The following CEP128 variants were observed in gnomAD, a reference collection of about 807,000 sequenced individuals.
CEP128 encodes the protein centrosomal protein 128kDa.
CEP128 carries 132 observed loss-of-function variants against 156.7 expected under a neutral mutation model. The ratio of observed to expected loss-of-function variants is 0.84; its 90% confidence interval spans 0.73 to 0.97. The LOEUF (loss-of-function observed/expected upper bound fraction) is 0.97. Ranked by LOEUF, CEP128 falls within the 50% of genes least tolerant of loss-of-function variation. CEP128 has a pLI of 0.00. For missense variants in CEP128, 1,252 were observed against 1,281.9 expected (o/e 0.98, Z 0.36); for synonymous variants, 469 against 448.9 (o/e 1.04, Z -0.57).
chr14:80,746,921 G>C (rs1899131464), intron 18 of CEP128, among the ~76,000 whole-genome samples: 1 of 152,072 alleles, frequency 6.6e-6, no homozygotes, highest in Non-Finnish European at 1.5e-5. Flanking sequence ...ACGTACAAAG[G>C]ATGTAAATAG....
At chr14:80,824,907 T>C (rs1477972506) in intron 13 of CEP128, among the ~76,000 whole-genome samples, 1 of 152,204 alleles carries the variant, frequency 6.6e-6, no homozygotes, top group Non-Finnish European at 1.5e-5. Context: ...TTCATGTTGC[T>C]GATAAAGACA....
chr14:80,797,958 G>T (rs1883590356), intron 13 of CEP128, among the ~76,000 whole-genome samples: 2 of 151,988 alleles, frequency 1.3e-5, no homozygotes, highest in South Asian at 4.2e-4. Flanking sequence ...CTACACTGAG[G>T]AACTTTTTAC....
intron 11 of CEP128, 50 bp downstream of exon 11, chr14:80,838,154 C>G: frequency 7.8e-7 from 1 of 1,275,058 alleles, no homozygotes; most frequent in Non-Finnish European, 1.1e-6. Context: ...TAGAGCTACT[C>G]AATCCTGATT....
chr14:80,830,425 C>G (rs987960910), intron 13 of CEP128: 6 of 397,992 alleles, frequency 1.5e-5, no homozygotes, highest in Admixed American at 8.6e-5. Flanking sequence ...ACTTCACTTA[C>G]AAAAACAGAT....
intron 19 of CEP128, among the ~76,000 whole-genome samples, chr14:80,729,057 GGGTGTGTGTGTGTGT>G (rs1566880936): frequency 9.8e-5 from 10 of 102,168 alleles, no homozygotes; most frequent in South Asian, 6.7e-4. Context: ...GGGCTGGTGG[GGGTGTGTGTGTGTGT>G]GTGTGTGTGT....
At chr14:80,735,823 G>A (rs1316652556) in intron 19 of CEP128, among the ~76,000 whole-genome samples, 1 of 151,990 alleles carries the variant, frequency 6.6e-6, no homozygotes, top group African/African-American at 2.4e-5. Flanking sequence ...TTGGTTCATG[G>A]TCCCCCTCTT....
rs78739960 is a variant in CEP128 at position 80,526,610 on chromosome 14, C to G, written c.3072+259G>C. The G allele has an allele frequency of 7.9e-3, 2,149 of 271,006 alleles. 46 individuals are homozygous for G. Among genetic ancestry groups the G allele is most frequent in the African/African-American group, 0.044 (2,004 of 45,458 alleles). 16.8% of individuals were successfully genotyped at this position (271,006 alleles called of 1,614,324 possible). On this transcript the variant is annotated intron_variant, in intron 23 of 24. Transcript: ENST00000555265. ...CAGGGGTTTCTTGGCTCTTAAGCAG[C>G]ACCAGTTCCCGTAAACAAGTAACAT...
rs141795204 is a variant in CEP128, at chr14:80,577,145, T to G, written c.2856+3229A>C. Reference sequence around the variant, plus strand: ...TGTCTTAGATTCCTTTGCAAGATTTTCATCCTTAGCCTGTTGTTTAAATGT... The same window carrying G: ...TGTCTTAGATTCCTTTGCAAGATTTGCATCCTTAGCCTGTTGTTTAAATGT... On this transcript the variant is annotated intron_variant, in intron 20 of 24. Coordinates refer to ENST00000555265, the MANE Select transcript of CEP128 (RefSeq NM_152446.5). Among the ~76,000 whole-genome samples, 576 of 152,324 alleles carry G rather than the reference T, an allele frequency of 3.8e-3. 4 individuals are homozygous for G. The highest frequency in any genetic ancestry group is 0.013 in the African/African-American group (531 of 41,570).
At chr14:80,835,438 C>T (rs942444972) in intron 12 of CEP128, among the ~76,000 whole-genome samples, 1 of 152,074 alleles carries the variant, frequency 6.6e-6, no homozygotes, top group African/African-American at 2.4e-5. Context: ...AAGCCTGGGG[C>T]AATATTTACC....
chr14:80,527,260 C>T (rs1304760252), intron 22 of CEP128: 2 of 487,774 alleles, frequency 4.1e-6, no homozygotes, highest in Non-Finnish European at 8.0e-6. Context: ...GAAACCTCAC[C>T]TCTACAAAAA....
chr14:80,932,419 G>A (rs1445045423), intron 2 of CEP128, among the ~76,000 whole-genome samples: 1 of 152,216 alleles, frequency 6.6e-6, no homozygotes, highest in Non-Finnish European at 1.5e-5. Context: ...GGCCTTAAAA[G>A]TATGTCTGAG....
At chr14:80,483,295 C>T (rs1004442317) in intron 14 of CEP128, among the ~76,000 whole-genome samples, 11 of 152,194 alleles carry the variant, frequency 7.2e-5, no homozygotes, top group African/African-American at 2.7e-4. Context: ...CCAACACACA[C>T]TCAGGCCTTC....
chr14:80,693,604 G>A (rs1408176005), intron 19 of CEP128, among the ~76,000 whole-genome samples: 1 of 151,750 alleles, frequency 6.6e-6, no homozygotes, highest in East Asian at 1.9e-4. Context: ...AGAATTAGAG[G>A]CCATACTTCT....
At chr14:80,672,475 G>C (rs1391747304) in intron 19 of CEP128, among the ~76,000 whole-genome samples, 2 of 152,086 alleles carry the variant, frequency 1.3e-5, no homozygotes, top group African/African-American at 4.8e-5. Flanking sequence ...AAGCAACATA[G>C]CTAAGTCTGT....
intron 8 of CEP128, among the ~76,000 whole-genome samples, chr14:80,863,119 T>C (rs1386073014): frequency 2.0e-5 from 3 of 152,154 alleles, no homozygotes; most frequent in Non-Finnish European, 4.4e-5. Flanking sequence ...GCCTCAAATT[T>C]TTTGAGGTAT....
intron 23 of CEP128, among the ~76,000 whole-genome samples, chr14:80,512,782 A>G (rs1888318763): frequency 6.6e-6 from 1 of 151,960 alleles, no homozygotes; most frequent in East Asian, 1.9e-4. Context: ...TGCAAATAAC[A>G]TAACATGTTA....
intron 2 of CEP128, among the ~76,000 whole-genome samples, chr14:80,956,715 G>A (rs1464351280): frequency 1.3e-5 from 2 of 152,154 alleles, no homozygotes; most frequent in African/African-American, 2.4e-5. Flanking sequence ...AGAAAATGTT[G>A]ATAGATGAAA....
downstream of CEP128, among the ~76,000 whole-genome samples, chr14:80,487,924 A>T (rs1225826602): frequency 1.3e-5 from 2 of 151,800 alleles, no homozygotes; most frequent in Non-Finnish European, 2.9e-5. Context: ...AGAGAAAGCA[A>T]GAAAGATCCA....
downstream of CEP128, among the ~76,000 whole-genome samples, chr14:80,494,249 AAAACCAGATGCTTTCGTGAG>A (rs1408891329): frequency 6.6e-6 from 1 of 152,200 alleles, no homozygotes; most frequent in African/African-American, 2.4e-5. Flanking sequence ...TTGATCCAAG[AAAACCAGATGCTTTCGTGAG>A]AACAGCTTCC....
Sources: gnomAD v4.1 joint callset for allele counts (sites outside exome capture counted in the v4.1 genomes callset) on GRCh38, gnomAD v4.1.1 for gene constraint, MANE v1.5 for transcripts, NCBI Gene and HGNC (gene_info 2026-07-23, HGNC 2026-07-21) for gene names.